The following ERCC5 variants were observed in gnomAD, a reference collection of about 807,000 sequenced individuals.
ERCC5 encodes the protein DNA excision repair protein ERCC-5.
In ERCC5, 68 loss-of-function variants were observed where a neutral mutation model predicts 105.6. That is an observed-to-expected ratio of 0.64 (90% CI 0.53 to 0.79). ERCC5 has a LOEUF of 0.79. Among genes scored for constraint, ERCC5 ranks in the 30% least tolerant of loss-of-function variants. The pLI, the probability that ERCC5 is intolerant of heterozygous loss-of-function variation, is 0.00. For missense variants in ERCC5, 1,373 were observed against 1,426.7 expected (o/e 0.96, Z 0.61); for synonymous variants, 546 against 526.2 (o/e 1.04, Z -0.51).
chr13:102,862,122 C>G lies in ERCC5; in HGVS notation c.973C>G (p.Pro325Ala). ...CATGTCTTTTGACGTGAAGTCATCT[C>G]CATGTGAAAAACTGAAGACAGAGAA... is the stretch of plus-strand genomic sequence containing the variant. The part of the protein sequence containing the change: ...HGMSFDVKSS[P>A]CEKLKTEKEP... Residue 325 changes from proline (P) to alanine (A), a missense_variant, in exon 8 of 15, where the codon CCA (proline) becomes GCA (alanine). By Grantham distance (27) the Pro-to-Ala change is conservative. Transcript: ENST00000652225. 6.2e-7 allele frequency: 1 copy of G among 1,614,212 alleles called. No homozygotes were observed. The highest frequency in any genetic ancestry group is 8.5e-7 in the Non-Finnish European group (1 of 1,180,028).
chr13:102,862,343 C>A lies in ERCC5; in HGVS notation c.1194C>A (p.Asp398Glu). The A allele has an allele frequency of 6.2e-7, 1 of 1,613,940 alleles. No individual in the cohort carries two copies. The highest frequency in any genetic ancestry group is 8.5e-7 in the Non-Finnish European group (1 of 1,180,030). Reference protein sequence around the residue: ...LSAIKRALDDDEDVKVCAGDD... With the variant: ...LSAIKRALDDEEDVKVCAGDD... ...CCATTAAGAGAGCTCTTGACGATGA[C>A]GAAGATGTAAAAGTGTGTGCTGGGG... Residue 398 changes from aspartate to glutamate, a missense_variant, in exon 8 of 15, where the codon GAC becomes GAA. Asp to Glu is a conservative substitution (Grantham distance 45). Coordinates refer to ENST00000652225, the MANE Select transcript of ERCC5 (RefSeq NM_000123.4).
chr13:102,872,252 C>T lies in ERCC5; in HGVS notation c.2733C>T (p.Asp911=), dbSNP rs2140538729. The T allele has an allele frequency of 2.5e-6, 4 of 1,614,068 alleles. No individual in the cohort carries two copies. Among genetic ancestry groups the T allele is most frequent in the African/African-American group, 1.3e-5 (1 of 75,000 alleles). Residue 911 remains aspartate, a synonymous_variant, in exon 13 of 15, where the codon GAC becomes GAT. Coordinates refer to ENST00000652225, the MANE Select transcript of ERCC5 (RefSeq NM_000123.4). ...KNPKIRPNPH[D]TKVKKKLRTL... The stretch of plus-strand genomic sequence containing the variant: ...CAAAGATAAGACCTAATCCTCATGA[C>T]ACCAAAGTGAAAAAAAAATTACGGA...
At chr13:102,858,591 A>G (rs1395765464) in intron 6 of ERCC5, among the ~76,000 whole-genome samples, 173 bp downstream of exon 6, 1 of 152,228 alleles carries the variant, frequency 6.6e-6, no homozygotes, top group Admixed American at 6.5e-5. Flanking sequence ...GTTTGAGCCT[A>G]TAGACATTTA....
chr13:102,856,201 T>C (rs1219384445), intron 5 of ERCC5, 89 bp downstream of exon 5: 2 of 1,344,314 alleles, frequency 1.5e-6, no homozygotes, highest in Non-Finnish European at 2.1e-6. Context: ...TATCAAACTG[T>C]GAAAGTTCCT....
chr13:102,870,729 G>T (rs1306547714), intron 12 of ERCC5, among the ~76,000 whole-genome samples: 1 of 152,082 alleles, frequency 6.6e-6, no homozygotes, highest in Admixed American at 6.5e-5. Flanking sequence ...TTTGAAGACC[G>T]CAATTAGTAA....
At chr13:102,856,016 A>C in intron 4 of ERCC5, 36 bp from the exon 5 acceptor site, 2 of 1,610,026 alleles carry the variant, frequency 1.2e-6, no homozygotes, top group Non-Finnish European at 1.7e-6. Flanking sequence ...GGTCCTTAAA[A>C]ATCATAGATA....
chr13:102,860,498 C>T (rs1207281313), intron 6 of ERCC5, among the ~76,000 whole-genome samples: 1 of 152,148 alleles, frequency 6.6e-6, no homozygotes, highest in East Asian at 1.9e-4. Flanking sequence ...GGTACTTCTG[C>T]AGTTTCAGGC....
rs1883212185 is a variant in ERCC5 at position 102,875,979 on chromosome 13, T to G, written c.*76T>G. 6.5e-7 allele frequency: 1 copy of G among 1,548,480 alleles called. No homozygotes were observed. Among genetic ancestry groups the G allele is most frequent in the Non-Finnish European group, 8.8e-7 (1 of 1,141,188 alleles). ...ATTTGTCGCAAAGACGTAATAAAAT[T>G]AACTGGTGGCACGGTCTTTGTATTT... On this transcript the variant is annotated 3_prime_UTR_variant, in exon 15 of 15. Transcript: ENST00000652225.
intron 14 of ERCC5, among the ~76,000 whole-genome samples, chr13:102,874,511 A>T (rs993524753): frequency 1.3e-5 from 2 of 152,186 alleles, no homozygotes; most frequent in African/African-American, 4.8e-5. Context: ...AACATTAGGC[A>T]TATAGCTTTA....
At chr13:102,856,297 G>GTGTA (rs1555325701) in intron 5 of ERCC5, among the ~76,000 whole-genome samples, 185 bp downstream of exon 5, 1 of 150,118 alleles carries the variant, frequency 6.7e-6, no homozygotes, top group African/African-American at 2.4e-5. Flanking sequence ...CTACACACGT[G>GTGTA]TATATATATA....
intron 6 of ERCC5, chr13:102,859,025 C>A: frequency 2.3e-6 from 1 of 431,704 alleles, no homozygotes. Flanking sequence ...TGTAGCTTGG[C>A]AGGCCCAGAA....
intron 11 of ERCC5, 128 bp downstream of exon 11, chr13:102,866,973 TG>T: frequency 1.0e-6 from 1 of 961,748 alleles, no homozygotes; most frequent in Non-Finnish European, 1.5e-6. Context: ...AATTTTTATA[TG>T]AGTGATCTTT....
chr13:102,850,030 C>T (rs1257473444), intron 1 of ERCC5, among the ~76,000 whole-genome samples: 2 of 151,998 alleles, frequency 1.3e-5, no homozygotes, highest in Non-Finnish European at 2.9e-5. Context: ...CAACCTTCGC[C>T]TCCCAGGTTC....
At chr13:102,870,729 G>A (rs1306547714) in intron 12 of ERCC5, among the ~76,000 whole-genome samples, 1 of 152,082 alleles carries the variant, frequency 6.6e-6, no homozygotes, top group Non-Finnish European at 1.5e-5. Context: ...TTTGAAGACC[G>A]CAATTAGTAA....
chr13:102,864,166 A>ACACACACACACACACACACAC (rs1595384698), intron 8 of ERCC5, among the ~76,000 whole-genome samples: 1 of 145,726 alleles, frequency 6.9e-6, no homozygotes, highest in Admixed American at 6.8e-5. Flanking sequence ...ACACACACAC[A>ACACACACACACACACACACAC]ATTTGTTCCT....
At chr13:102,847,675 T>C (rs1882029589) in intron 1 of ERCC5, among the ~76,000 whole-genome samples, 1 of 152,158 alleles carries the variant, frequency 6.6e-6, no homozygotes, top group South Asian at 2.1e-4. Flanking sequence ...GGATTTTTGT[T>C]TTGTTTTGTT....
At chr13:102,851,096 A>T (rs4150256) in intron 1 of ERCC5, among the ~76,000 whole-genome samples, 287 of 152,282 alleles carry the variant, frequency 1.9e-3, no homozygotes, top group African/African-American at 6.9e-3. Flanking sequence ...CATAATATCT[A>T]CTTTAATATT....
At chr13:102,873,848 T>C (rs1214520688) in intron 14 of ERCC5, among the ~76,000 whole-genome samples, 1 of 152,236 alleles carries the variant, frequency 6.6e-6, no homozygotes, top group Non-Finnish European at 1.5e-5. Flanking sequence ...CTTCTTGCTT[T>C]ATCTGTGAGT....
In ERCC5 at chr13:102,853,767, G is replaced by A; in HGVS notation, c.275G>A (p.Arg92Lys). 6.2e-7 allele frequency: 1 copy of A among 1,614,132 alleles called. No homozygotes were observed. Among genetic ancestry groups the A allele is most frequent in the South Asian group, 1.1e-5 (1 of 91,064 alleles). Reference protein sequence around the residue: ...LLKKQTLVKRRQRKDLASSDS... With the variant: ...LLKKQTLVKRKQRKDLASSDS... ...CCTTTCTTCTCATAGGTGAAGAGAA[G>A]GCAGAGAAAGGACTTAGCGTCCAGT... is the stretch of plus-strand genomic sequence containing the variant. The change falls in exon 3 of 15, where the codon AGG becomes AAG. Residue 92 changes from arginine (R) to lysine (K), a missense_variant. Arg to Lys is a conservative substitution (Grantham distance 26, BLOSUM62 2). This residue lies in a region of ERCC5 where 1,004 missense variants were observed against 1,059.7 expected (regional missense o/e 0.95). Coordinates refer to ENST00000652225, the MANE Select transcript of ERCC5 (RefSeq NM_000123.4).
Sources: allele counts gnomAD v4.1 joint callset (sites outside exome capture counted in the v4.1 genomes callset), GRCh38; gene constraint gnomAD v4.1.1; regional missense constraint gnomAD v4.1.1; transcripts MANE v1.5; gene names NCBI Gene and HGNC (gene_info 2026-07-23, HGNC 2026-07-21).